HDAC4: variants seen among roughly 807,000 people sequenced by gnomAD.
HDAC4 encodes the protein histone deacetylase 4.
In HDAC4, 16 loss-of-function variants were observed where a neutral mutation model predicts 135.1. The ratio of observed to expected loss-of-function variants is 0.12; its 90% confidence interval spans 0.08 to 0.18. The LOEUF (loss-of-function observed/expected upper bound fraction) is 0.18. Among genes scored for constraint, HDAC4 ranks in the 10% least tolerant of loss-of-function variants. The pLI is 1.00. For synonymous variants in HDAC4, 685 were observed against 653.4 expected (o/e 1.05, Z -0.74); for missense variants, 1,143 against 1,511.8 (o/e 0.76, Z 4.05).
rs530275993 is a variant in HDAC4 at position 239,095,583 on chromosome 2, G to T, written c.2234-527C>A. On this transcript the variant is annotated intron_variant, in intron 16 of 26. Transcript: ENST00000543185. ...ATGTATGCAGCGACAGCCCCTCCCT[G>T]CGACACAGGCGGAGCGTGTACAGCT... is the stretch of plus-strand genomic sequence containing the variant. Among the ~76,000 whole-genome samples, 5 of 152,280 alleles carry T rather than the reference G, an allele frequency of 3.3e-5. No homozygotes were observed. In the East Asian group the frequency reaches 9.7e-4, roughly 29 times the overall value.
intron 2 of HDAC4, among the ~76,000 whole-genome samples, chr2:239,327,372 T>C (rs914971832): frequency 7.9e-5 from 12 of 152,220 alleles, no homozygotes; most frequent in African/African-American, 2.9e-4. Flanking sequence ...GCTCAGAAAC[T>C]GGGGCCCAGG....
rs764573902 is a variant in HDAC4 at position 239,115,040 on chromosome 2, C to T, written c.1791+13G>A. 1.2e-5 allele frequency: 19 copies of T among 1,608,432 alleles called. No individual in the cohort carries two copies. Among genetic ancestry groups the T allele is most frequent in the South Asian group, 3.3e-5 (3 of 91,072 alleles). ...CGTGCCAGCCTTCTGGTGCCCTCCC[C>T]GCCTGCGGTCACCTGTCTGAAGAGC... On this transcript the variant is annotated intron_variant, in intron 13 of 26. Coordinates refer to ENST00000543185, the MANE Select transcript of HDAC4 (RefSeq NM_001378414.1). The surrounding 1 kb of genome is among the most constrained non-coding windows in gnomAD (Gnocchi z 6.3).
At chr2:239,372,263 C>T (rs576691807) in intron 1 of HDAC4, among the ~76,000 whole-genome samples, 6 of 152,330 alleles carry the variant, frequency 3.9e-5, no homozygotes, top group East Asian at 3.9e-4. Flanking sequence ...GCCCTCAAGC[C>T]GGCACTGGAA....
chr2:239,155,310 C>T (rs1360334678), intron 7 of HDAC4, among the ~76,000 whole-genome samples: 1 of 151,968 alleles, frequency 6.6e-6, no homozygotes, highest in East Asian at 1.9e-4. Flanking sequence ...TGACCCAGTC[C>T]ACCTGGGACA....
At position 239,139,948 on chromosome 2, in the gene HDAC4, A is replaced by G. The variant is rs77167624; in HGVS notation, c.866-152T>C. ...ACAAAAAGAACATGGCCATGGTTTC[A>G]AAAAAGAAAGTATGATGCTGATTTC... On this transcript the variant is annotated intron_variant, in intron 8 of 26. Transcript: ENST00000543185. This position sits in a 1 kb window ranked among gnomAD's most constrained non-coding sequence, Gnocchi z 5.3. 4.0e-3 allele frequency: 2,504 copies of G among 628,980 alleles called. 47 individuals carry two copies. In the African/African-American group the frequency reaches 0.042, roughly 11 times the overall value. 39.0% of individuals were successfully genotyped at this position (628,980 alleles called of 1,614,324 possible). A position where few individuals can be genotyped will look rare whatever the true frequency, so the allele number is the denominator to read the frequency against.
chr2:239,242,136 GAAAGAAAGAAAGAA>G (rs2048211045), intron 2 of HDAC4, among the ~76,000 whole-genome samples: 1 of 148,610 alleles, frequency 6.7e-6, no homozygotes, highest in African/African-American at 2.5e-5. Flanking sequence ...AGGAGAAAGA[GAAAGAAAGAAAGAA>G]AGAGAAAGAA....
chr2:239,092,845 G>A (rs577729461), intron 17 of HDAC4, among the ~76,000 whole-genome samples: 3 of 151,888 alleles, frequency 2.0e-5, no homozygotes, highest in African/African-American at 4.8e-5. Flanking sequence ...TCTGTGTTTC[G>A]TTTCTTTTTT....
chr2:239,126,981 G>C (rs899737996), intron 11 of HDAC4, among the ~76,000 whole-genome samples: 4 of 152,198 alleles, frequency 2.6e-5, no homozygotes, highest in African/African-American at 9.6e-5. Context: ...GTTTCAAAGA[G>C]CAAGCCCTTC....
intron 24 of HDAC4, among the ~76,000 whole-genome samples, chr2:239,057,194 C>A (rs896130618): frequency 6.6e-6 from 1 of 152,104 alleles, no homozygotes; most frequent in Non-Finnish European, 1.5e-5. Context: ...AACTTGTACA[C>A]GATCTCTACA....
In HDAC4 at chr2:239,303,515, T is replaced by A. The variant is rs1009978465; in HGVS notation, c.22+49163A>T. 6.6e-6 allele frequency among the ~76,000 whole-genome samples: 1 copy of A among 152,096 alleles called. No homozygotes were observed. Among genetic ancestry groups the A allele is most frequent in the Non-Finnish European group, 1.5e-5 (1 of 68,024 alleles). On this transcript the variant is annotated intron_variant, in intron 2 of 26. Transcript: ENST00000543185. This position sits in a 1 kb window ranked among gnomAD's most constrained non-coding sequence, Gnocchi z 5.1. ...CTTCCTCGATCTCCCCGCTCCTTTC[T>A]CGGGACAGCCTGTGGCTTGTTCTCC...
intron 2 of HDAC4, among the ~76,000 whole-genome samples, chr2:239,264,075 C>T (rs750114749): frequency 9.9e-5 from 15 of 152,196 alleles, no homozygotes; most frequent in Admixed American, 2.0e-4. Flanking sequence ...GAAGACACAG[C>T]CCTGGAAAGG....
At chr2:239,181,708 C>T (rs1487063998) in intron 4 of HDAC4, among the ~76,000 whole-genome samples, 2 of 152,202 alleles carry the variant, frequency 1.3e-5, no homozygotes, top group Non-Finnish European at 2.9e-5. Context: ...CTGCTCCACC[C>T]ACCTGCTTGC....
chr2:239,178,691 G>A (rs1015268136), intron 4 of HDAC4, among the ~76,000 whole-genome samples: 2 of 152,230 alleles, frequency 1.3e-5, no homozygotes, highest in African/African-American at 4.8e-5. Context: ...GCCACTGGTG[G>A]GTTGCTTTTT....
intron 3 of HDAC4, among the ~76,000 whole-genome samples, chr2:239,220,381 C>T (rs1394220186): frequency 2.0e-5 from 3 of 152,138 alleles, no homozygotes; most frequent in Non-Finnish European, 4.4e-5. Flanking sequence ...AAACATTAGA[C>T]TCAAAAAGTT....
At chr2:239,054,662 T>C (rs2031498116) in intron 25 of HDAC4, 87 bp downstream of exon 25, 1 of 866,156 alleles carries the variant, frequency 1.2e-6, no homozygotes. Flanking sequence ...GGAGAAGAGC[T>C]GGGGGTATAG....
At chr2:239,238,972 T>C (rs1396314791) in intron 2 of HDAC4, among the ~76,000 whole-genome samples, 1 of 152,210 alleles carries the variant, frequency 6.6e-6, no homozygotes, top group Non-Finnish European at 1.5e-5. Context: ...CCAAGGAGAA[T>C]GCCGTTCGAT....
chr2:239,184,461 G>C (rs1375124370), intron 4 of HDAC4, among the ~76,000 whole-genome samples: 1 of 148,900 alleles, frequency 6.7e-6, no homozygotes, highest in Non-Finnish European at 1.5e-5. Context: ...CCCTATGAGG[G>C]GGGGTCCCTC....
In HDAC4 at chr2:239,285,175, C is replaced by T. The variant is rs1382108279; in HGVS notation, c.23-48511G>A. On this transcript the variant is annotated intron_variant, in intron 2 of 26. Coordinates refer to ENST00000543185, the MANE Select transcript of HDAC4 (RefSeq NM_001378414.1). This position sits in a 1 kb window ranked among gnomAD's most constrained non-coding sequence, Gnocchi z 4.5. ...AAGACTGCAGATGGTACAGAGAAAG[C>T]GTTACACAGTGAGAAAACAGGCAGC... Among the ~76,000 whole-genome samples, 2 of 152,172 alleles carry T rather than the reference C, an allele frequency of 1.3e-5. No individual in the cohort carries two copies. Among genetic ancestry groups the T allele is most frequent in the Non-Finnish European group, 2.9e-5 (2 of 68,022 alleles).
At position 239,048,978 on chromosome 2, in the gene HDAC4, G is replaced by C. The variant is rs751818230; in HGVS notation, c.*4119C>G. On this transcript the variant is annotated 3_prime_UTR_variant, in exon 27 of 27. Transcript: ENST00000543185. ...AGGCCAGTGAGGGCGGGCGGCGCTC[G>C]CCTGGCCCGTGGAAGGAGATAAAAG... 1.2e-4 allele frequency: 19 copies of C among 152,240 alleles called. No homozygotes were observed. The highest frequency in any genetic ancestry group is 4.6e-4 in the African/African-American group (19 of 41,464). 9.4% of individuals were successfully genotyped at this position (152,240 alleles called of 1,614,324 possible).
Sources: gnomAD v4.1 joint callset for allele counts (sites outside exome capture counted in the v4.1 genomes callset) on GRCh38, gnomAD v4.1.1 for gene constraint, Gnocchi (gnomAD v3.1) non-coding constraint, MANE v1.5 for transcripts, NCBI Gene and HGNC (gene_info 2026-07-23, HGNC 2026-07-21) for gene names.